Variants in KCNH7 observed in about 807,000 individuals in gnomAD.
KCNH7 encodes the protein potassium voltage-gated channel subfamily H member 7.
A neutral mutation model predicts 120.8 loss-of-function variants in KCNH7; 49 were observed. The ratio of observed to expected loss-of-function variants is 0.41; its 90% confidence interval spans 0.32 to 0.51. The LOEUF is 0.51. Among genes scored for constraint, KCNH7 ranks in the 20% least tolerant of loss-of-function variants. The pLI is 0.38. For missense variants in KCNH7, 1,097 were observed against 1,446.6 expected, an observed-to-expected ratio of 0.76 and a Z score of 3.92; for synonymous variants, 547 against 516.1, an observed-to-expected ratio of 1.06 and a Z score of -0.81.
intron 2 of KCNH7, among the ~76,000 whole-genome samples, chr2:162,703,439 T>A (rs994404559): frequency 1.3e-5 from 2 of 152,104 alleles, no homozygotes; most frequent in African/African-American, 2.4e-5. Flanking sequence ...AGTCCATGAC[T>A]TCAAGGATTT....
At chr2:162,691,004 GC>G (rs1559083998) in intron 2 of KCNH7, among the ~76,000 whole-genome samples, 1 of 152,012 alleles carries the variant, frequency 6.6e-6, no homozygotes, top group African/African-American at 2.4e-5. Flanking sequence ...CTGCTTCCTG[GC>G]CACAGACTCT....
chr2:162,772,995 C>G (rs908300878), intron 2 of KCNH7, among the ~76,000 whole-genome samples: 1 of 152,186 alleles, frequency 6.6e-6, no homozygotes, highest in Non-Finnish European at 1.5e-5. Context: ...TTCCCAAGTA[C>G]CCAATTGTTG....
chr2:162,589,299 T>C (rs1331998295), intron 2 of KCNH7, among the ~76,000 whole-genome samples: 3 of 152,000 alleles, frequency 2.0e-5, no homozygotes, highest in Admixed American at 2.0e-4. Context: ...CCCACTTCTG[T>C]AGAAGGCAGT....
At chr2:162,703,162 T>C (rs1337782858) in intron 2 of KCNH7, among the ~76,000 whole-genome samples, 1 of 152,156 alleles carries the variant, frequency 6.6e-6, no homozygotes, top group African/African-American at 2.4e-5. Flanking sequence ...ATCATAATAG[T>C]TAATAATAGA....
rs180997464 is a variant in KCNH7, at chr2:162,677,826, A to G, written c.308-140746T>C. Among the ~76,000 whole-genome samples, 255 of 151,504 alleles carry G rather than the reference A, an allele frequency of 1.7e-3. 2 individuals carry two copies. The highest frequency in any genetic ancestry group is 5.9e-3 in the African/African-American group (243 of 41,438). On this transcript the variant is annotated intron_variant, in intron 2 of 15. Coordinates refer to ENST00000332142, the MANE Select transcript of KCNH7 (RefSeq NM_033272.4). ...CTTCACATTCTTACAAATATTTGGT[A>G]TTTTAGCCATCCCAGTGGATGTGTA...
chr2:162,712,216 T>G (rs1686952909), intron 2 of KCNH7, among the ~76,000 whole-genome samples: 1 of 152,162 alleles, frequency 6.6e-6, no homozygotes, highest in African/African-American at 2.4e-5. Context: ...TAATGTCAGC[T>G]GAACAAAAGC....
At chr2:162,641,121 A>G (rs1041471184) in intron 2 of KCNH7, among the ~76,000 whole-genome samples, 18 of 152,166 alleles carry the variant, frequency 1.2e-4, no homozygotes, top group Non-Finnish European at 2.4e-4. Flanking sequence ...CAGTTTGACA[A>G]TTTCTATAAA....
intron 8 of KCNH7, among the ~76,000 whole-genome samples, chr2:162,430,574 A>C (rs1232601216): frequency 6.6e-6 from 1 of 152,050 alleles, no homozygotes; most frequent in African/African-American, 2.4e-5. Context: ...CCAAGATAAC[A>C]CGTGGCCCAT....
chr2:162,705,223 G>A (rs1686655482), intron 2 of KCNH7, among the ~76,000 whole-genome samples: 1 of 152,048 alleles, frequency 6.6e-6, no homozygotes, highest in Non-Finnish European at 1.5e-5. Flanking sequence ...CTGTCATGGG[G>A]TTTTATTGGA....
chr2:162,444,084 T>G (rs1688505957), intron 7 of KCNH7, among the ~76,000 whole-genome samples: 1 of 152,160 alleles, frequency 6.6e-6, no homozygotes, highest in Non-Finnish European at 1.5e-5. Context: ...TCCAGGTCAT[T>G]CTCTATCACA....
At position 162,773,230 on chromosome 2, in the gene KCNH7, G is replaced by A. The variant is rs374317690; in HGVS notation, c.307+63307C>T. Reference sequence around the variant, plus strand: ...AGGCCGGGCATAGTAGTTCATGCCTGTAATCTCAGCACTTTGGGAGGCCGA... The same window carrying A: ...AGGCCGGGCATAGTAGTTCATGCCTATAATCTCAGCACTTTGGGAGGCCGA... On this transcript the variant is annotated intron_variant, in intron 2 of 15. Coordinates refer to ENST00000332142, the MANE Select transcript of KCNH7 (RefSeq NM_033272.4). Among the ~76,000 whole-genome samples the A allele has an allele frequency of 2.0e-5, 3 of 152,326 alleles. No homozygotes were observed. In the East Asian group the frequency reaches 5.8e-4, roughly 29 times the overall value.
chr2:162,826,268 C>T (rs967187508), intron 2 of KCNH7, among the ~76,000 whole-genome samples: 12 of 152,064 alleles, frequency 7.9e-5, no homozygotes, highest in African/African-American at 2.7e-4. Flanking sequence ...GTGTATTTAA[C>T]TGAGGAGATC....
chr2:162,648,665 G>A (rs181890988), intron 2 of KCNH7, among the ~76,000 whole-genome samples: 2 of 152,118 alleles, frequency 1.3e-5, no homozygotes, highest in East Asian at 3.9e-4. Context: ...GTCAGGGGTC[G>A]ACAAACTGTG....
At chr2:162,436,096 A>C (rs1242051445) in intron 7 of KCNH7, among the ~76,000 whole-genome samples, 3 of 152,132 alleles carry the variant, frequency 2.0e-5, no homozygotes, top group Non-Finnish European at 4.4e-5. Context: ...AATTAATTTC[A>C]GAGAGAACAA....
At chr2:162,495,640 T>G (rs1690472045) in intron 6 of KCNH7, among the ~76,000 whole-genome samples, 1 of 152,188 alleles carries the variant, frequency 6.6e-6, no homozygotes, top group Non-Finnish European at 1.5e-5. Context: ...AAAAATTGTT[T>G]CAAAACTTAA....
intron 2 of KCNH7, among the ~76,000 whole-genome samples, chr2:162,652,801 T>C (rs2105262367): frequency 6.6e-6 from 1 of 152,340 alleles, no homozygotes; most frequent in Admixed American, 6.5e-5. Flanking sequence ...GACACTTTCA[T>C]AACAAATATT....
intron 6 of KCNH7, among the ~76,000 whole-genome samples, chr2:162,487,425 A>G (rs1328946937): frequency 6.6e-6 from 1 of 152,172 alleles, no homozygotes; most frequent in Non-Finnish European, 1.5e-5. Context: ...GAGTTTTTAA[A>G]AACTTCAAGA....
At chr2:162,740,818 C>A (rs573375544) in intron 2 of KCNH7, among the ~76,000 whole-genome samples, 2 of 152,274 alleles carry the variant, frequency 1.3e-5, no homozygotes, top group South Asian at 4.1e-4. Flanking sequence ...AATTTCCTTT[C>A]CTCTTCCCAT....
intron 2 of KCNH7, among the ~76,000 whole-genome samples, chr2:162,794,050 T>C (rs1292748122): frequency 1.3e-5 from 2 of 151,988 alleles, no homozygotes; most frequent in Non-Finnish European, 2.9e-5. Flanking sequence ...AACTTAAATA[T>C]ATACAATATT....
Sources: gnomAD v4.1 joint callset for allele counts (sites outside exome capture counted in the v4.1 genomes callset) on GRCh38, gnomAD v4.1.1 for gene constraint, MANE v1.5 for transcripts, NCBI Gene and HGNC (gene_info 2026-07-23, HGNC 2026-07-21) for gene names.